The following ACP1 variants were observed in gnomAD, a reference collection of about 807,000 sequenced individuals.
ACP1 encodes low molecular weight phosphotyrosine protein phosphatase.
ACP1 carries 23 observed loss-of-function variants against 23.4 expected under a neutral mutation model. The ratio of observed to expected loss-of-function variants is 0.98; its 90% CI spans 0.71 to 1.39. ACP1 has a LOEUF of 1.39. Ranked by LOEUF, ACP1 falls within the 40% of genes most tolerant of loss-of-function variation. The pLI is 0.00. For synonymous variants in ACP1, 72 were observed against 67.2 expected, an observed-to-expected ratio of 1.07 and a Z score of -0.35; for missense variants, 180 against 197.7, an observed-to-expected ratio of 0.91 and a Z score of 0.54.
intron 1 of ACP1, 48 bp from the exon 2 acceptor site, chr2:271,818 C>T: frequency 6.8e-7 from 1 of 1,476,840 alleles, no homozygotes; most frequent in Non-Finnish European, 9.5e-7. Context: ...GGCATGTGCC[C>T]TTCCATCCAA....
intron 1 of ACP1, 52 bp from the exon 2 acceptor site, chr2:271,814 T>G: frequency 2.1e-6 from 3 of 1,421,090 alleles, no homozygotes; most frequent in Non-Finnish European, 3.0e-6. Context: ...AGCTGGCATG[T>G]GCCCTTCCAT....
In ACP1 at chr2:277,348, C is replaced by T. The variant is rs763395204; in HGVS notation, c.*44C>T. The T allele has an allele frequency of 6.5e-7, 1 of 1,539,112 alleles. No individual in the cohort carries two copies. Among genetic ancestry groups the T allele is most frequent in the Admixed American group, 1.7e-5 (1 of 59,902 alleles). On this transcript the variant is annotated 3_prime_UTR_variant, in exon 6 of 6. Transcript: ENST00000272065. ...TGCGGCCAGCCTGACTAGACCCCAC[C>T]CTGAGGTCCTGCATTTCTCAGTCGG...
intron 1 of ACP1, among the ~76,000 whole-genome samples, chr2:265,465 C>A (rs1381932793): frequency 6.6e-6 from 1 of 152,168 alleles, no homozygotes; most frequent in Non-Finnish European, 1.5e-5. Context: ...TGAAGTTTTA[C>A]GGTTTCGGGT....
chr2:274,009 A>T (rs1158070457), intron 3 of ACP1, among the ~76,000 whole-genome samples: 2 of 152,160 alleles, frequency 1.3e-5, no homozygotes, highest in Non-Finnish European at 2.9e-5. Flanking sequence ...AAAAAATTTT[A>T]AAAATTAGCT....
chr2:266,402 A>G (rs1669882265), intron 1 of ACP1: 1 of 152,248 alleles, frequency 6.6e-6, no homozygotes, highest in South Asian at 2.1e-4. Context: ...GATGGTTACT[A>G]AATAATATTC....
intron 1 of ACP1, among the ~76,000 whole-genome samples, chr2:270,349 T>C (rs939903199): frequency 2.6e-5 from 4 of 152,170 alleles, no homozygotes; most frequent in African/African-American, 9.7e-5. Context: ...AGCCCGTCAG[T>C]TTCCAGACAC....
At chr2:272,353 G>A in intron 3 of ACP1, 1 of 1,568,962 alleles carries the variant, frequency 6.4e-7, no homozygotes, top group Non-Finnish European at 8.7e-7. Flanking sequence ...CCAGTAACTT[G>A]AGAAGTAGCG....
chr2:266,595 A>G (rs867281035), intron 1 of ACP1, among the ~76,000 whole-genome samples: 21 of 152,338 alleles, frequency 1.4e-4, no homozygotes, highest in Non-Finnish European at 2.8e-4. Context: ...ATTGCTGTCA[A>G]TTGGAACATG....
intron 1 of ACP1, among the ~76,000 whole-genome samples, chr2:269,051 C>A (rs962892163): frequency 2.0e-5 from 3 of 152,078 alleles, no homozygotes; most frequent in African/African-American, 7.2e-5. Flanking sequence ...TTCTACAGAT[C>A]CAAAATAATA....
In ACP1 at chr2:272,064, G is replaced by A. The variant is rs11553743; in HGVS notation, c.145G>A (p.Gly49Arg). 4.3e-5 allele frequency: 69 copies of A among 1,613,808 alleles called. No homozygotes were observed. The highest frequency in any genetic ancestry group is 1.8e-4 in the South Asian group (16 of 91,068). ...GAGGGTAGACAGCGCGGCAACTTCCGGGTATGAGATAGGGAACCCCCCTGA... is the reference window on the plus strand; with the variant it reads ...GAGGGTAGACAGCGCGGCAACTTCCAGGTATGAGATAGGGAACCCCCCTGA... ...NWRVDSAATS[G>R]YEIGNPPDYR... Residue 49 changes from glycine (G) to arginine (R), a missense_variant, in exon 3 of 6, where the codon GGG becomes AGG. Gly to Arg is a moderately radical substitution (Grantham distance 125, BLOSUM62 -2). Around this residue, in one of 3 missense-constraint regions of ACP1, gnomAD observed 132 missense variants for 124.1 expected, o/e 1.06. Transcript: ENST00000272065.
intron 3 of ACP1, chr2:273,100 A>C (rs1396969240): frequency 6.5e-6 from 1 of 154,436 alleles, no homozygotes; most frequent in Non-Finnish European, 1.5e-5. Flanking sequence ...CCTGTGGTAG[A>C]AGGTGGAGGA....
At chr2:269,802 G>T (rs1267710554) in intron 1 of ACP1, among the ~76,000 whole-genome samples, 1 of 152,174 alleles carries the variant, frequency 6.6e-6, no homozygotes, top group Non-Finnish European at 1.5e-5. Context: ...TCATTCCTGG[G>T]GGAGGAAATG....
chr2:270,680 C>T (rs755698682), intron 1 of ACP1, among the ~76,000 whole-genome samples: 2 of 151,934 alleles, frequency 1.3e-5, no homozygotes, highest in East Asian at 3.9e-4. Context: ...CTCCGAAAAC[C>T]CCAATAAAAC....
intron 1 of ACP1, chr2:265,236 C>G: frequency 2.0e-6 from 1 of 499,264 alleles, no homozygotes; most frequent in African/African-American, 2.0e-5. Context: ...TGCCATATAT[C>G]CGGGGCTCTT....
At position 277,730 on chromosome 2, in the gene ACP1, C is replaced by T; in HGVS notation, c.*426C>T. Reference sequence around the variant, plus strand: ...GGTGCCCTCTGCTCCCCAGTGCTACCTCTCTCTTCCCTAGGGCCTTTTGTG... The same window carrying T: ...GGTGCCCTCTGCTCCCCAGTGCTACTTCTCTCTTCCCTAGGGCCTTTTGTG... On this transcript the variant is annotated 3_prime_UTR_variant, in exon 6 of 6. Transcript: ENST00000272065. The T allele has an allele frequency of 4.7e-6, 1 of 212,006 alleles. No homozygotes were observed. The highest frequency in any genetic ancestry group is 9.7e-6 in the Non-Finnish European group (1 of 103,370). 13.1% of individuals were successfully genotyped at this position (212,006 alleles called of 1,614,324 possible). A position where few individuals can be genotyped will look rare whatever the true frequency, so the allele number is the denominator to read the frequency against.
chr2:271,361 A>G (rs1034652445), intron 1 of ACP1, among the ~76,000 whole-genome samples: 2 of 152,000 alleles, frequency 1.3e-5, no homozygotes, highest in Non-Finnish European at 2.9e-5. Context: ...GACTTTTCCT[A>G]TACTTGGGCT....
Position 277,504 on chromosome 2 carries a change from AGAC to A in ACP1, c.*201_*203del. 1 of 603,252 alleles carries A rather than the reference AGAC, an allele frequency of 1.7e-6. No homozygotes were observed. The highest frequency in any genetic ancestry group is 2.0e-5 in the South Asian group (1 of 50,768). 37.4% of individuals were successfully genotyped at this position (603,252 alleles called of 1,614,324 possible). A position where few individuals can be genotyped will look rare whatever the true frequency, so the allele number is the denominator to read the frequency against. On this transcript the variant is annotated 3_prime_UTR_variant, in exon 6 of 6. Coordinates refer to ENST00000272065, the MANE Select transcript of ACP1 (RefSeq NM_004300.4). ...GAGAATCAATAAAAATCTTTGATTCAGACAGCTTATGGGGTATTTTAAGCATTC... is the reference window on the plus strand; with the variant it reads ...GAGAATCAATAAAAATCTTTGATTCAAGCTTATGGGGTATTTTAAGCATTC...
chr2:267,685 G>A (rs1472396143), intron 1 of ACP1, among the ~76,000 whole-genome samples: 3 of 152,198 alleles, frequency 2.0e-5, no homozygotes, highest in South Asian at 2.1e-4. Flanking sequence ...TAATTTGAGC[G>A]CCTGTTTTCT....
At chr2:271,774 C>A (rs1670038091) in intron 1 of ACP1, 92 bp from the exon 2 acceptor site, 2 of 973,790 alleles carry the variant, frequency 2.1e-6, no homozygotes, top group South Asian at 1.3e-5. Flanking sequence ...GATAGCACAG[C>A]CCCCGTGTGT....
Sources: allele counts gnomAD v4.1 joint callset (sites outside exome capture counted in the v4.1 genomes callset), GRCh38; gene constraint gnomAD v4.1.1; regional missense constraint gnomAD v4.1.1; transcripts MANE v1.5; gene names NCBI Gene and HGNC (gene_info 2026-07-23, HGNC 2026-07-21).